CCDC102B: variants seen among roughly 807,000 people sequenced by gnomAD.
CCDC102B encodes coiled-coil domain-containing protein 102B.
In CCDC102B, 75 loss-of-function variants were observed where a neutral mutation model predicts 57.4. The ratio of observed to expected loss-of-function variants is 1.31; its 90% confidence interval spans 1.08 to 1.58. The LOEUF (loss-of-function observed/expected upper bound fraction) is 1.58. Ranked by LOEUF, CCDC102B falls within the 40% of genes most tolerant of loss-of-function variation. The probability of loss-of-function intolerance (pLI) is 0.00; values close to 1 mark genes in which losing one functional copy is unlikely to be tolerated. For missense variants in CCDC102B, 636 were observed against 582.6 expected, an observed-to-expected ratio of 1.09 and a Z score of -0.94; for synonymous variants, 206 against 201.9, an observed-to-expected ratio of 1.02 and a Z score of -0.17.
intron 7 of CCDC102B, among the ~76,000 whole-genome samples, chr18:69,020,654 C>T (rs1023900638): frequency 3.3e-5 from 5 of 152,038 alleles, no homozygotes; most frequent in African/African-American, 4.8e-5. Context: ...TATTTTTGCA[C>T]CAACCTGATA....
chr18:68,718,512 T>G (rs1366484165), intron 2 of CCDC102B, among the ~76,000 whole-genome samples: 1 of 152,202 alleles, frequency 6.6e-6, no homozygotes, highest in Non-Finnish European at 1.5e-5. Flanking sequence ...GGTTTCTTGA[T>G]CTGGGTGCTG....
chr18:68,970,510 T>C (rs2050272396), intron 6 of CCDC102B, among the ~76,000 whole-genome samples: 3 of 151,952 alleles, frequency 2.0e-5, no homozygotes. Flanking sequence ...TCTTCATCAT[T>C]TGATTGTATT....
Position 69,054,590 on chromosome 18 carries a change from T to A in CCDC102B, c.*453T>A. 1 of 986,212 alleles carries A rather than the reference T, an allele frequency of 1.0e-6. No homozygotes were observed. Among genetic ancestry groups the A allele is most frequent in the African/African-American group, 1.7e-5 (1 of 57,324 alleles). The allele number at this position is 986,212 out of a possible 1,614,324, so 61.1% of individuals were successfully genotyped here. ...TATGTGGTGGGGATGGCAGGTTGTA[T>A]TAACAAAAATGAATCATTCTAGAGG... On this transcript the variant is annotated 3_prime_UTR_variant, in exon 8 of 8. Transcript: ENST00000360242.
chr18:68,738,487 C>T (rs563557918), intron 2 of CCDC102B, among the ~76,000 whole-genome samples: 1 of 152,116 alleles, frequency 6.6e-6, no homozygotes, highest in South Asian at 2.1e-4. Context: ...CAATATAGAC[C>T]GTCTGAGAGG....
intron 6 of CCDC102B, among the ~76,000 whole-genome samples, chr18:68,898,247 A>G (rs910744712): frequency 6.6e-6 from 1 of 152,092 alleles, no homozygotes; most frequent in Non-Finnish European, 1.5e-5. Flanking sequence ...GGTGAATTTG[A>G]TAAGTTCATA....
chr18:68,823,803 G>A (rs189403005), intron 1 of CCDC102B, among the ~76,000 whole-genome samples: 3 of 152,160 alleles, frequency 2.0e-5, no homozygotes, highest in Admixed American at 2.0e-4. Flanking sequence ...TTCCCTGATG[G>A]TTAGTGATAA....
At chr18:68,870,358 T>C (rs1970672) in intron 4 of CCDC102B, among the ~76,000 whole-genome samples, 30,006 of 152,032 alleles carry the variant, frequency 0.2, 3,188 homozygotes, top group African/African-American at 0.27. Context: ...TAAAGTATAA[T>C]CATAATAGTA....
chr18:68,776,090 C>T (rs992147677), intron 2 of CCDC102B, among the ~76,000 whole-genome samples: 1 of 152,146 alleles, frequency 6.6e-6, no homozygotes, highest in African/African-American at 2.4e-5. Flanking sequence ...TATATTTCCA[C>T]ATTGTCCTGT....
At chr18:68,951,104 C>A (rs2049684547) in intron 6 of CCDC102B, among the ~76,000 whole-genome samples, 1 of 152,014 alleles carries the variant, frequency 6.6e-6, no homozygotes, top group African/African-American at 2.4e-5. Context: ...ACACAGTGAG[C>A]TGCAAGATTT....
In CCDC102B at chr18:69,051,612, C is replaced by G. The variant is rs955475022; in HGVS notation, c.1435-2418C>G. Among the ~76,000 whole-genome samples the G allele has an allele frequency of 4.9e-4, 74 of 151,972 alleles. No individual in the cohort carries two copies. In the East Asian group the frequency reaches 5.4e-3, roughly 11 times the overall value. On this transcript the variant is annotated intron_variant, in intron 7 of 7. Coordinates refer to ENST00000360242, the MANE Select transcript of CCDC102B (RefSeq NM_024781.3). ...AGAACTGGGAAAAAGAGATCTTTTACTATTGTATGTAAAACTTTATAATGA... is the reference window on the plus strand; with the variant it reads ...AGAACTGGGAAAAAGAGATCTTTTAGTATTGTATGTAAAACTTTATAATGA...
intron 2 of CCDC102B, among the ~76,000 whole-genome samples, chr18:68,775,307 G>C (rs1306169644): frequency 1.3e-5 from 2 of 152,052 alleles, no homozygotes; most frequent in African/African-American, 2.4e-5. Flanking sequence ...AAAAGTAAAG[G>C]TATATTTAAT....
At chr18:68,997,557 G>C (rs1057270172) in intron 6 of CCDC102B, among the ~76,000 whole-genome samples, 5 of 152,086 alleles carry the variant, frequency 3.3e-5, no homozygotes, top group Non-Finnish European at 7.4e-5. Flanking sequence ...CAAGTAGACA[G>C]CTTGATATGG....
At chr18:68,955,921 A>G (rs2048206701) in intron 6 of CCDC102B, among the ~76,000 whole-genome samples, 1 of 152,052 alleles carries the variant, frequency 6.6e-6, no homozygotes, top group Non-Finnish European at 1.5e-5. Flanking sequence ...AAACAATCCA[A>G]TTACACTCTT....
At chr18:68,874,864 G>T in intron 5 of CCDC102B, 79 bp downstream of exon 5, 1 of 882,746 alleles carries the variant, frequency 1.1e-6, no homozygotes, top group Non-Finnish European at 1.8e-6. Context: ...TTTAAGTAGG[G>T]TAACGGTCGT....
chr18:68,997,826 A>G (rs1380610994), intron 6 of CCDC102B, among the ~76,000 whole-genome samples: 1 of 121,382 alleles, frequency 8.2e-6, no homozygotes, highest in Non-Finnish European at 1.8e-5. Context: ...ATTTAATTAT[A>G]ATTTATCATT....
At position 68,928,883 on chromosome 18, in the gene CCDC102B, G is replaced by T. The variant is rs17817705; in HGVS notation, c.1263+31455G>T. Among the ~76,000 whole-genome samples, 6 of 151,846 alleles carry T rather than the reference G, an allele frequency of 4.0e-5. No homozygotes were observed. The East Asian group carries it at 1.2e-3, about 30-fold the overall frequency. On this transcript the variant is annotated intron_variant, in intron 6 of 7. Transcript: ENST00000360242. ...AAGAAAGTAGTTGAAATGAGGAGTC[G>T]TGGTATCTAACCTCAATGCTAGAAG...
intron 2 of CCDC102B, among the ~76,000 whole-genome samples, chr18:68,756,623 G>C (rs2034060994): frequency 6.6e-6 from 1 of 152,092 alleles, no homozygotes; most frequent in Non-Finnish European, 1.5e-5. Context: ...TGTCTAAATG[G>C]CTCTGCTTGG....
At chr18:69,006,042 T>A (rs2051331491) in intron 6 of CCDC102B, among the ~76,000 whole-genome samples, 1 of 150,320 alleles carries the variant, frequency 6.7e-6, no homozygotes, top group African/African-American at 2.4e-5. Context: ...TAATTATGTA[T>A]TTTTTTTACC....
At chr18:68,812,647 A>C (rs2036312691) in intron 1 of CCDC102B, among the ~76,000 whole-genome samples, 1 of 152,172 alleles carries the variant, frequency 6.6e-6, no homozygotes, top group Non-Finnish European at 1.5e-5. Flanking sequence ...GAGGAGGCAA[A>C]ATACAACGAG....
Sources: gnomAD v4.1 joint callset for allele counts (sites outside exome capture counted in the v4.1 genomes callset) on GRCh38, gnomAD v4.1.1 for gene constraint, MANE v1.5 for transcripts, NCBI Gene and HGNC (gene_info 2026-07-23, HGNC 2026-07-21) for gene names.